The following ADCY8 variants were observed in gnomAD, a reference collection of about 807,000 sequenced individuals.
ADCY8 encodes adenylate cyclase 8.
ADCY8 carries 51 observed loss-of-function variants against 119.7 expected under a neutral mutation model. The ratio of observed to expected loss-of-function variants is 0.43; its 90% CI spans 0.34 to 0.54. The LOEUF (loss-of-function observed/expected upper bound fraction) is 0.54, where lower values mean the gene tolerates loss of function less well. Among genes scored for constraint, ADCY8 ranks in the 20% least tolerant of loss-of-function variants. The probability of loss-of-function intolerance (pLI) is 0.03; values close to 1 mark genes in which losing one functional copy is unlikely to be tolerated. For missense variants in ADCY8, 1,383 were observed against 1,598.8 expected (o/e 0.87, Z 2.30); for synonymous variants, 665 against 651.0 (o/e 1.02, Z -0.33).
At chr8:131,023,056 G>A (rs1025873534) in intron 1 of ADCY8, among the ~76,000 whole-genome samples, 1 of 152,164 alleles carries the variant, frequency 6.6e-6, no homozygotes, top group Non-Finnish European at 1.5e-5. Context: ...ACTCTAGCTA[G>A]GTTAAACTCT....
chr8:130,990,944 T>G (rs1822558725), intron 1 of ADCY8: 1 of 155,914 alleles, frequency 6.4e-6, no homozygotes, highest in African/African-American at 2.4e-5. Flanking sequence ...AGGAAAGGAA[T>G]CCATTGAATA....
intron 1 of ADCY8, among the ~76,000 whole-genome samples, chr8:131,029,876 G>A (rs944320113): frequency 6.7e-6 from 1 of 148,612 alleles, no homozygotes; most frequent in East Asian, 2.0e-4. Context: ...GGAGTAGGGG[G>A]TGGCTAGGGG....
chr8:130,933,458 A>G (rs183390056), intron 5 of ADCY8, among the ~76,000 whole-genome samples: 17 of 152,358 alleles, frequency 1.1e-4, no homozygotes, highest in Admixed American at 9.2e-4. Context: ...ATTTGGCAGT[A>G]AGACTGGAAA....
At chr8:130,979,088 A>G (rs928933467) in intron 2 of ADCY8, among the ~76,000 whole-genome samples, 1 of 152,186 alleles carries the variant, frequency 6.6e-6, no homozygotes, top group Non-Finnish European at 1.5e-5. Context: ...GTTTTCTCAT[A>G]CTTGGTGGGT....
At chr8:131,020,704 A>G (rs1420937336) in intron 1 of ADCY8, among the ~76,000 whole-genome samples, 1 of 152,210 alleles carries the variant, frequency 6.6e-6, no homozygotes, top group Admixed American at 6.5e-5. Context: ...AGTTTAGTCC[A>G]GCTCCTTCTT....
At chr8:130,927,310 A>G (rs1820500867) in intron 5 of ADCY8, among the ~76,000 whole-genome samples, 1 of 152,034 alleles carries the variant, frequency 6.6e-6, no homozygotes, top group African/African-American at 2.4e-5. Context: ...GTGATATCTC[A>G]TTGTGGTTTT....
At chr8:130,829,077 G>A (rs1194710955) in intron 12 of ADCY8, among the ~76,000 whole-genome samples, 1 of 152,184 alleles carries the variant, frequency 6.6e-6, no homozygotes, top group Non-Finnish European at 1.5e-5. Flanking sequence ...GCATGGGTGA[G>A]CGTGACAAAT....
intron 8 of ADCY8, among the ~76,000 whole-genome samples, chr8:130,869,972 T>TCTTCCTTCTC (rs1818286893): frequency 1.4e-5 from 2 of 146,156 alleles, no homozygotes; most frequent in African/African-American, 2.6e-5. Flanking sequence ...CCTTCTTCCT[T>TCTTCCTTCTC]CTTCCTCCTC....
chr8:131,005,497 AC>A (rs1386628698), intron 1 of ADCY8, among the ~76,000 whole-genome samples: 1 of 152,138 alleles, frequency 6.6e-6, no homozygotes, highest in Admixed American at 6.5e-5. Flanking sequence ...AGTTAACTGG[AC>A]CAACTTTGCT....
intron 7 of ADCY8, among the ~76,000 whole-genome samples, chr8:130,885,732 T>C (rs1358101882): frequency 6.6e-6 from 1 of 152,000 alleles, no homozygotes; most frequent in Non-Finnish European, 1.5e-5. Context: ...ATCCTTCCAA[T>C]AGATCTTCTT....
chr8:130,910,510 A>G (rs114950050), intron 5 of ADCY8, among the ~76,000 whole-genome samples: 2,903 of 152,152 alleles, frequency 0.019, 78 homozygotes, highest in African/African-American at 0.065. Context: ...TGCTCCTTCT[A>G]AACACAAATG....
chr8:130,952,300 A>G (rs1821298534), intron 2 of ADCY8, among the ~76,000 whole-genome samples: 1 of 152,188 alleles, frequency 6.6e-6, no homozygotes, highest in African/African-American at 2.4e-5. Context: ...CATTTACAAA[A>G]TGTGATGAAT....
chr8:130,807,339 G>A (rs1030666301), intron 14 of ADCY8, among the ~76,000 whole-genome samples: 1 of 152,178 alleles, frequency 6.6e-6, no homozygotes, highest in Non-Finnish European at 1.5e-5. Flanking sequence ...CTGATCAAAT[G>A]TCACCTCCTT....
At chr8:131,021,888 C>T (rs1383508676) in intron 1 of ADCY8, among the ~76,000 whole-genome samples, 1 of 152,134 alleles carries the variant, frequency 6.6e-6, no homozygotes, top group East Asian at 1.9e-4. Flanking sequence ...CAGACTAATA[C>T]AACAAGTGTG....
chr8:130,945,456 G>A (rs1304182602), intron 3 of ADCY8, among the ~76,000 whole-genome samples: 1 of 152,206 alleles, frequency 6.6e-6, no homozygotes, highest in African/African-American at 2.4e-5. Flanking sequence ...TCAAATCTTA[G>A]CTCACCACTT....
chr8:130,835,127 C>T (rs1220336332), intron 12 of ADCY8, among the ~76,000 whole-genome samples: 5 of 152,154 alleles, frequency 3.3e-5, no homozygotes, highest in Non-Finnish European at 7.3e-5. Context: ...CTGTTGGCCA[C>T]TTATTCTGGC....
At chr8:130,940,280 A>G (rs1215441407) in intron 4 of ADCY8, among the ~76,000 whole-genome samples, 5 of 152,174 alleles carry the variant, frequency 3.3e-5, no homozygotes, top group Non-Finnish European at 7.4e-5. Context: ...TGCAGGAATT[A>G]TGGCAAAGTC....
At chr8:131,019,013 G>A (rs1823566968) in intron 1 of ADCY8, among the ~76,000 whole-genome samples, 1 of 152,140 alleles carries the variant, frequency 6.6e-6, no homozygotes, top group African/African-American at 2.4e-5. Context: ...CAGAAATAAT[G>A]ACACTTTCAT....
At chr8:130,954,136 G>A (rs905668268) in intron 2 of ADCY8, among the ~76,000 whole-genome samples, 1 of 152,154 alleles carries the variant, frequency 6.6e-6, no homozygotes, top group Non-Finnish European at 1.5e-5. Flanking sequence ...AGGACCCCAC[G>A]GTCAGTTTGT....
Sources: allele counts gnomAD v4.1 joint callset (sites outside exome capture counted in the v4.1 genomes callset), GRCh38; gene constraint gnomAD v4.1.1; transcripts MANE v1.5; gene names NCBI Gene and HGNC (gene_info 2026-07-23, HGNC 2026-07-21).